The following CDK14 variants were observed in gnomAD, a reference collection of about 807,000 sequenced individuals.
CDK14 encodes cyclin dependent kinase 14.
A neutral mutation model predicts 60.7 loss-of-function variants in CDK14; 34 were observed. The observed-to-expected ratio is 0.56, with a 90% CI of 0.43 to 0.75. CDK14 has a LOEUF of 0.75. Among genes scored for constraint, CDK14 ranks in the 30% least tolerant of loss-of-function variants. CDK14 has a pLI of 0.00. For missense variants in CDK14, 482 were observed against 564.1 expected (o/e 0.85, Z 1.47); for synonymous variants, 197 against 203.7 (o/e 0.97, Z 0.28).
intron 11 of CDK14, among the ~76,000 whole-genome samples, chr7:91,056,576 AG>A (rs1299869768): frequency 7.2e-6 from 1 of 139,660 alleles, no homozygotes; most frequent in African/African-American, 2.7e-5. Context: ...ACCCCACAAC[AG>A]GCCCCGGCGT....
At chr7:90,911,913 G>A (rs1792915176) in intron 7 of CDK14, among the ~76,000 whole-genome samples, 1 of 152,150 alleles carries the variant, frequency 6.6e-6, no homozygotes, top group South Asian at 2.1e-4. Context: ...CTCCCAAGAA[G>A]TATATGCCAT....
chr7:90,667,679 C>T (rs1801012672), intron 2 of CDK14, among the ~76,000 whole-genome samples: 2 of 151,968 alleles, frequency 1.3e-5, no homozygotes, highest in Middle Eastern at 3.2e-3. Context: ...ACACCATTCT[C>T]CTGCCTCAAC....
chr7:90,659,875 C>CTCTCTCTCTCTCTGTG (rs1235758434), intron 2 of CDK14, among the ~76,000 whole-genome samples: 2 of 128,976 alleles, frequency 1.6e-5, no homozygotes, highest in African/African-American at 6.1e-5. Flanking sequence ...CTCTCTCTCT[C>CTCTCTCTCTCTCTGTG]TGTGTGTGTG....
intron 9 of CDK14, among the ~76,000 whole-genome samples, chr7:90,976,506 A>T (rs955949462): frequency 4.0e-5 from 6 of 151,816 alleles, no homozygotes; most frequent in Non-Finnish European, 7.4e-5. Context: ...CTACAGGTGC[A>T]GTCCCACCAT....
rs937930096 is a variant in CDK14, at chr7:91,208,544, G to A, written c.*1408G>A. 2.0e-5 allele frequency: 3 copies of A among 152,248 alleles called. No homozygotes were observed. The highest frequency in any genetic ancestry group is 1.3e-4 in the Admixed American group (2 of 15,284). 9.4% of individuals were successfully genotyped at this position (152,248 alleles called of 1,614,324 possible). On this transcript the variant is annotated 3_prime_UTR_variant, in exon 15 of 15. Transcript: ENST00000380050. ...CACAAATTCCTATGGAAATACCTTT[G>A]TGTACAGTGTCTTACATTTTCCTAT...
In CDK14 at chr7:91,060,264, T is replaced by C. The variant is rs1391656635; in HGVS notation, c.1105+14304T>C. Among the ~76,000 whole-genome samples, 3 of 151,566 alleles carry C rather than the reference T, an allele frequency of 2.0e-5. No homozygotes were observed. In the East Asian group the frequency reaches 5.8e-4, roughly 29 times the overall value. The stretch of plus-strand genomic sequence containing the variant: ...TTTCCATTTGCTTGGTAGATCTTCC[T>C]CTATCCCTTTATTTTGAGCCTATGT... On this transcript the variant is annotated intron_variant, in intron 11 of 14. Transcript: ENST00000380050.
At chr7:90,658,791 G>T (rs1800804005) in intron 2 of CDK14, among the ~76,000 whole-genome samples, 1 of 152,032 alleles carries the variant, frequency 6.6e-6, no homozygotes, top group Admixed American at 6.6e-5. Context: ...GAGAAATAAG[G>T]TTTCATTTTG....
chr7:90,772,222 T>G (rs775371241), intron 4 of CDK14, among the ~76,000 whole-genome samples: 51 of 152,210 alleles, frequency 3.4e-4, no homozygotes, highest in Non-Finnish European at 6.6e-4. Flanking sequence ...TCTGCCTCCA[T>G]GTGCCTGCCA....
At chr7:90,967,199 G>A (rs909044996) in intron 9 of CDK14, among the ~76,000 whole-genome samples, 13 of 150,492 alleles carry the variant, frequency 8.6e-5, no homozygotes, top group African/African-American at 3.2e-4. Flanking sequence ...AGGAAGGAAG[G>A]AAGAAAGGAA....
In CDK14 at chr7:90,758,833, A is replaced by G. The variant is rs1025953497; in HGVS notation, c.464+11058A>G. Among the ~76,000 whole-genome samples, 9 of 152,324 alleles carry G rather than the reference A, an allele frequency of 5.9e-5. No individual in the cohort carries two copies. In the South Asian group the frequency reaches 1.7e-3, roughly 28 times the overall value. On this transcript the variant is annotated intron_variant, in intron 4 of 14. Transcript: ENST00000380050. ...CACTTTGCAAGGGCAAGGCGGGTGG[A>G]TCACCTGAGGCCAGGAGTTCGAGAC...
chr7:91,060,354 A>G (rs1211608157), intron 11 of CDK14, among the ~76,000 whole-genome samples: 4 of 151,576 alleles, frequency 2.6e-5, no homozygotes, highest in African/African-American at 7.3e-5. Context: ...CTCTTTATCT[A>G]ATTTGGCAGT....
intron 14 of CDK14, among the ~76,000 whole-genome samples, chr7:91,125,067 T>C (rs944475198): frequency 2.6e-5 from 4 of 152,164 alleles, no homozygotes; most frequent in African/African-American, 4.8e-5. Context: ...AGTGGGCTGA[T>C]GGTCTGGGAT....
chr7:90,625,889 C>T (rs996830125), intron 2 of CDK14, among the ~76,000 whole-genome samples: 1 of 152,208 alleles, frequency 6.6e-6, no homozygotes. Flanking sequence ...GCACCATTTT[C>T]CATTATTGGA....
intron 6 of CDK14, among the ~76,000 whole-genome samples, chr7:90,884,096 G>A (rs1791863711): frequency 6.6e-6 from 1 of 152,174 alleles, no homozygotes; most frequent in African/African-American, 2.4e-5. Context: ...AGGGCAATCA[G>A]GCAAGAGAAA....
At chr7:91,125,857 A>AT (rs1244173149) in intron 14 of CDK14, among the ~76,000 whole-genome samples, 1 of 152,120 alleles carries the variant, frequency 6.6e-6, no homozygotes, top group African/African-American at 2.4e-5. Flanking sequence ...GTGCCCTTGG[A>AT]TTTTTAATTG....
chr7:91,207,460 G>C lies in CDK14; in HGVS notation c.*324G>C, dbSNP rs79425377. On this transcript the variant is annotated 3_prime_UTR_variant, in exon 15 of 15. Transcript: ENST00000380050. ...GTTTGATTTCCCTCTGCAGCACAGC[G>C]TCTCTGTAAAGGTTTTTATGCTTTC... 6.6e-6 allele frequency: 1 copy of C among 152,582 alleles called. No homozygotes were observed. Among genetic ancestry groups the C allele is most frequent in the Admixed American group, 6.5e-5 (1 of 15,280 alleles). The allele number at this position is 152,582 out of a possible 1,614,324, so 9.5% of individuals were successfully genotyped here. A position where few individuals can be genotyped will look rare whatever the true frequency, so the allele number is the denominator to read the frequency against.
Position 90,756,989 on chromosome 7 carries a change from C to T in CDK14, c.464+9214C>T, listed in dbSNP as rs143314502. Among the ~76,000 whole-genome samples, 729 of 152,224 alleles carry T rather than the reference C, an allele frequency of 4.8e-3. 3 individuals carry two copies. The highest frequency in any genetic ancestry group is 0.016 in the African/African-American group (657 of 41,522). On this transcript the variant is annotated intron_variant, in intron 4 of 14. Transcript: ENST00000380050. ...TTGCTAGGGCTTGAAATAACAATGT[C>T]CCACAATCTGGGTGGCTTAAGCTAC...
chr7:91,178,505 A>G (rs1433764462), intron 14 of CDK14, among the ~76,000 whole-genome samples: 1 of 149,732 alleles, frequency 6.7e-6, no homozygotes, highest in Non-Finnish European at 1.5e-5. Flanking sequence ...AAAAGAAACT[A>G]CCATCAGAGT....
chr7:90,735,703 T>C (rs1005785381), intron 3 of CDK14, among the ~76,000 whole-genome samples: 1 of 152,194 alleles, frequency 6.6e-6, no homozygotes, highest in Non-Finnish European at 1.5e-5. Flanking sequence ...CCAGGTCGAC[T>C]TCACACTGCT....
Sources: allele counts gnomAD v4.1 joint callset (sites outside exome capture counted in the v4.1 genomes callset), GRCh38; gene constraint gnomAD v4.1.1; transcripts MANE v1.5; gene names NCBI Gene and HGNC (gene_info 2026-07-23, HGNC 2026-07-21).